The following NDUFS4 variants were observed in gnomAD, a reference collection of about 807,000 sequenced individuals.
NDUFS4 encodes NADH:ubiquinone oxidoreductase subunit S4.
A neutral mutation model predicts 24.3 loss-of-function variants in NDUFS4; 28 were observed. That is an observed-to-expected ratio of 1.15 (90% confidence interval 0.85 to 1.58). The LOEUF is 1.58. NDUFS4 is among the 40% of genes most tolerant of loss of function. The pLI, the probability that NDUFS4 is intolerant of heterozygous loss-of-function variation, is 0.00. For missense variants in NDUFS4, 223 were observed against 207.9 expected (o/e 1.07, Z -0.45); for synonymous variants, 93 against 69.7 (o/e 1.34, Z -1.67).
In NDUFS4 at chr5:53,561,624, C is replaced by A. The variant is rs373283644; in HGVS notation, c.98+864C>A. On this transcript the variant is annotated intron_variant, in intron 1 of 4. Transcript: ENST00000296684. ...ACGTACATACACACACATATTAGAA[C>A]AAAGATTGGAAAGACTGGATGGAGA... Among the ~76,000 whole-genome samples the A allele has an allele frequency of 2.0e-5, 3 of 151,464 alleles. No homozygotes were observed. In the East Asian group the frequency reaches 5.8e-4, roughly 30 times the overall value.
At chr5:53,564,619 A>AC (rs1561328894) in intron 1 of NDUFS4, among the ~76,000 whole-genome samples, 2 of 150,776 alleles carry the variant, frequency 1.3e-5, no homozygotes. Flanking sequence ...GGCTCATGCA[A>AC]CCTCCACCCT....
chr5:53,586,397 A>G (rs780545231), intron 1 of NDUFS4, among the ~76,000 whole-genome samples: 3 of 152,184 alleles, frequency 2.0e-5, no homozygotes, highest in Non-Finnish European at 4.4e-5. Flanking sequence ...ACTTATTACT[A>G]AATCTTTCCT....
At position 53,603,491 on chromosome 5, in the gene NDUFS4, G is replaced by C. The variant is rs1176874552; in HGVS notation, c.138G>C (p.Gln46His). Residue 46 changes from glutamine to histidine, a missense_variant, in exon 2 of 5, where the codon CAG (glutamine) becomes CAC (histidine). Coordinates refer to ENST00000296684, the MANE Select transcript of NDUFS4 (RefSeq NM_002495.4). Reference sequence around the variant, plus strand: ...CCACATGGAGATTGGCACAGGACCAGACTCAAGACACACAACTCATAACAG... The same window carrying C: ...CCACATGGAGATTGGCACAGGACCACACTCAAGACACACAACTCATAACAG... ...RTSTWRLAQD[Q>H]TQDTQLITVD... is the part of the protein sequence containing the mutation. The C allele has an allele frequency of 1.2e-6, 2 of 1,613,800 alleles. No homozygotes were observed. Among genetic ancestry groups the C allele is most frequent in the East Asian group, 2.2e-5 (1 of 44,868 alleles).
intron 1 of NDUFS4, among the ~76,000 whole-genome samples, chr5:53,561,215 C>T (rs1748834061): frequency 6.6e-6 from 1 of 152,090 alleles, no homozygotes; most frequent in African/African-American, 2.4e-5. Flanking sequence ...TTGGTTTCTG[C>T]ATAGGAAGAT....
intron 2 of NDUFS4, among the ~76,000 whole-genome samples, chr5:53,609,802 T>C (rs1344716353): frequency 1.6e-5 from 1 of 64,066 alleles, no homozygotes; most frequent in Non-Finnish European, 3.1e-5. Flanking sequence ...TTATATTATA[T>C]AGATGGCTTC....
At chr5:53,658,032 A>G (rs372323562) in intron 3 of NDUFS4, among the ~76,000 whole-genome samples, 2 of 152,194 alleles carry the variant, frequency 1.3e-5, no homozygotes, top group Admixed American at 6.5e-5. Context: ...GAAGAATTCA[A>G]TTGGATGTCA....
At chr5:53,569,083 TA>T (rs2112411458) in intron 1 of NDUFS4, among the ~76,000 whole-genome samples, 1 of 152,306 alleles carries the variant, frequency 6.6e-6, no homozygotes, top group African/African-American at 2.4e-5. Context: ...TGATGAGCTT[TA>T]AAGTGAATAC....
chr5:53,586,970 T>C (rs1749778053), intron 1 of NDUFS4, among the ~76,000 whole-genome samples: 1 of 152,038 alleles, frequency 6.6e-6, no homozygotes, highest in South Asian at 2.1e-4. Context: ...ATTACAGGCA[T>C]GTGCCGCCAT....
intron 4 of NDUFS4, among the ~76,000 whole-genome samples, chr5:53,680,228 C>T (rs1434217356): frequency 6.6e-6 from 1 of 151,984 alleles, no homozygotes; most frequent in Non-Finnish European, 1.5e-5. Flanking sequence ...TCCTTATAGC[C>T]ATGCAACCTA....
chr5:53,671,268 C>T (rs1312287714), intron 4 of NDUFS4, among the ~76,000 whole-genome samples: 1 of 152,054 alleles, frequency 6.6e-6, no homozygotes, highest in African/African-American at 2.4e-5. Context: ...ATAATTTCTG[C>T]AGCTGTCCCC....
At chr5:53,616,627 G>A (rs934555812) in intron 2 of NDUFS4, among the ~76,000 whole-genome samples, 14 of 152,218 alleles carry the variant, frequency 9.2e-5, no homozygotes, top group Middle Eastern at 6.8e-3. Context: ...AAGAAAGGAG[G>A]AGAATGATAT....
chr5:53,680,494 A>G (rs554980014), intron 4 of NDUFS4, among the ~76,000 whole-genome samples: 54 of 152,346 alleles, frequency 3.5e-4, no homozygotes, highest in Non-Finnish European at 6.5e-4. Context: ...CATATACACC[A>G]TGGAATACTA....
intron 3 of NDUFS4, among the ~76,000 whole-genome samples, chr5:53,650,466 A>C (rs1016221540): frequency 6.6e-6 from 1 of 152,212 alleles, no homozygotes; most frequent in African/African-American, 2.4e-5. Context: ...AGTTTTGATG[A>C]AGAGTGGACA....
At chr5:53,580,469 C>G (rs1749522979) in intron 1 of NDUFS4, among the ~76,000 whole-genome samples, 1 of 152,166 alleles carries the variant, frequency 6.6e-6, no homozygotes, top group African/African-American at 2.4e-5. Flanking sequence ...TGTTGCCTAA[C>G]ACTGACTTTA....
intron 1 of NDUFS4, chr5:53,573,589 T>C (rs1263102508): frequency 1.1e-5 from 5 of 451,884 alleles, no homozygotes; most frequent in Non-Finnish European, 1.3e-5. Flanking sequence ...TTTTCTTTTC[T>C]TTATTTTTTA....
intron 2 of NDUFS4, among the ~76,000 whole-genome samples, chr5:53,622,028 T>C (rs1041657366): frequency 1.3e-5 from 2 of 152,100 alleles, no homozygotes; most frequent in Non-Finnish European, 2.9e-5. Flanking sequence ...ATTAAACAGT[T>C]GTCTTTTAAA....
chr5:53,635,545 A>G (rs1386331715), intron 2 of NDUFS4, among the ~76,000 whole-genome samples: 1 of 152,146 alleles, frequency 6.6e-6, no homozygotes, highest in East Asian at 1.9e-4. Context: ...GTAAAAATAA[A>G]AAAGAATCCT....
At chr5:53,612,731 G>C (rs890513854) in intron 2 of NDUFS4, among the ~76,000 whole-genome samples, 2 of 152,070 alleles carry the variant, frequency 1.3e-5, no homozygotes, top group African/African-American at 4.8e-5. Context: ...CACGGTACTG[G>C]TAGCATGCTC....
At chr5:53,633,616 T>C (rs538512407) in intron 2 of NDUFS4, among the ~76,000 whole-genome samples, 1 of 152,334 alleles carries the variant, frequency 6.6e-6, no homozygotes, top group South Asian at 2.1e-4. Context: ...GTATGAAGGC[T>C]TCTGTGTCAC....
Sources: gnomAD v4.1 joint callset for allele counts (sites outside exome capture counted in the v4.1 genomes callset) on GRCh38, gnomAD v4.1.1 for gene constraint, MANE v1.5 for transcripts, NCBI Gene and HGNC (gene_info 2026-07-23, HGNC 2026-07-21) for gene names.